The following CNTN3 variants were observed in gnomAD, a reference collection of about 807,000 sequenced individuals.
CNTN3 encodes contactin-3.
Under a neutral mutation model 119.1 loss-of-function variants are expected in CNTN3, and 60 were observed. The ratio of observed to expected loss-of-function variants is 0.50; its 90% CI spans 0.41 to 0.62. CNTN3 has a LOEUF of 0.62. CNTN3 is among the 20% of genes least tolerant of loss of function. The pLI is 0.00. For missense variants in CNTN3, 1,101 were observed against 1,242.4 expected (o/e 0.89, Z 1.71); for synonymous variants, 450 against 438.7 (o/e 1.03, Z -0.32).
intron 1 of CNTN3, among the ~76,000 whole-genome samples, chr3:74,588,118 T>A (rs907943337): frequency 5.3e-5 from 8 of 151,994 alleles, no homozygotes; most frequent in African/African-American, 1.7e-4. Context: ...GTATATTGCA[T>A]CCCAAGGATG....
At chr3:74,336,197 C>A (rs541593091) in intron 12 of CNTN3, among the ~76,000 whole-genome samples, 3 of 151,804 alleles carry the variant, frequency 2.0e-5, no homozygotes, top group East Asian at 3.9e-4. Flanking sequence ...CAGAAAAAAT[C>A]AACTATAATG....
chr3:74,314,257 A>C (rs1354419246), intron 13 of CNTN3, among the ~76,000 whole-genome samples: 1 of 152,224 alleles, frequency 6.6e-6, no homozygotes, highest in Non-Finnish European at 1.5e-5. Flanking sequence ...ACAAAGAACA[A>C]GATTAAAAAA....
rs575035038 is a variant in CNTN3, at chr3:74,463,607, A to C, written c.358+22849T>G. 6.6e-5 allele frequency among the ~76,000 whole-genome samples: 10 copies of C among 152,284 alleles called. No homozygotes were observed. The South Asian group carries it at 2.1e-3, about 32-fold the overall frequency. On this transcript the variant is annotated intron_variant, in intron 4 of 22. Coordinates refer to ENST00000263665, the MANE Select transcript of CNTN3 (RefSeq NM_020872.3). The stretch of plus-strand genomic sequence containing the variant: ...CATGCAGACATATCTCACAGCAGGG[A>C]CAAGACTATCTTAGAAACCTTACAT...
chr3:74,354,533 T>C (rs748133712), intron 11 of CNTN3, among the ~76,000 whole-genome samples: 18 of 152,090 alleles, frequency 1.2e-4, no homozygotes, highest in Non-Finnish European at 2.1e-4. Flanking sequence ...CTTTTGGAAA[T>C]AGGTGGATTT....
At chr3:74,497,534 A>G (rs1203308080) in intron 3 of CNTN3, among the ~76,000 whole-genome samples, 1 of 151,928 alleles carries the variant, frequency 6.6e-6, no homozygotes, top group African/African-American at 2.4e-5. Context: ...CTAGGTCTCA[A>G]TTTCTAGTGG....
chr3:74,481,580 A>G (rs1575768456), intron 4 of CNTN3, among the ~76,000 whole-genome samples: 1 of 152,094 alleles, frequency 6.6e-6, no homozygotes, highest in African/African-American at 2.4e-5. Flanking sequence ...TATATGTCTA[A>G]TTCTTTGAAT....
intron 1 of CNTN3, among the ~76,000 whole-genome samples, chr3:74,574,770 C>CA (rs962284172): frequency 1.3e-5 from 2 of 152,098 alleles, no homozygotes; most frequent in Non-Finnish European, 2.9e-5. Flanking sequence ...TAGCTTCTGC[C>CA]ACACATTTCC....
chr3:74,392,072 G>A (rs1182504912), intron 5 of CNTN3, among the ~76,000 whole-genome samples: 1 of 152,032 alleles, frequency 6.6e-6, no homozygotes, highest in Non-Finnish European at 1.5e-5. Context: ...AATATGAGAA[G>A]TGATGCAAAA....
intron 13 of CNTN3, among the ~76,000 whole-genome samples, chr3:74,319,175 C>T (rs1235132849): frequency 6.6e-6 from 1 of 152,106 alleles, no homozygotes; most frequent in African/African-American, 2.4e-5. Flanking sequence ...CTTTAAAGTT[C>T]ATATGGAACC....
chr3:74,316,275 A>C (rs1702828580), intron 13 of CNTN3, among the ~76,000 whole-genome samples: 1 of 152,156 alleles, frequency 6.6e-6, no homozygotes, highest in African/African-American at 2.4e-5. Context: ...GCAAATCAAA[A>C]CCACAATGAG....
At chr3:74,304,564 G>C (rs1268563099) in intron 13 of CNTN3, among the ~76,000 whole-genome samples, 1 of 152,108 alleles carries the variant, frequency 6.6e-6, no homozygotes, top group East Asian at 1.9e-4. Context: ...ACTGTGTCAG[G>C]ATTTTATGTC....
At chr3:74,444,289 GT>G (rs1191871889) in intron 4 of CNTN3, among the ~76,000 whole-genome samples, 3 of 151,686 alleles carry the variant, frequency 2.0e-5, no homozygotes, top group Non-Finnish European at 4.4e-5. Context: ...TATTGGGGGG[GT>G]TGGGGGCACA....
At chr3:74,574,666 A>G (rs907064074) in intron 1 of CNTN3, among the ~76,000 whole-genome samples, 5 of 152,154 alleles carry the variant, frequency 3.3e-5, no homozygotes, top group Non-Finnish European at 5.9e-5. Flanking sequence ...AACTTCAATC[A>G]TTCCACTTGC....
intron 19 of CNTN3, among the ~76,000 whole-genome samples, chr3:74,286,420 A>C (rs1702117239): frequency 6.6e-6 from 1 of 152,204 alleles, no homozygotes; most frequent in African/African-American, 2.4e-5. Flanking sequence ...GATTTGAAAA[A>C]TAATATGCAG....
chr3:74,384,651 C>A (rs1704702396), intron 5 of CNTN3, among the ~76,000 whole-genome samples: 1 of 152,076 alleles, frequency 6.6e-6, no homozygotes, highest in Admixed American at 6.6e-5. Flanking sequence ...TTTGACAATT[C>A]TTTTTCTTAA....
intron 1 of CNTN3, among the ~76,000 whole-genome samples, chr3:74,562,574 AG>A (rs1704168544): frequency 6.6e-6 from 1 of 152,168 alleles, no homozygotes; most frequent in Non-Finnish European, 1.5e-5. Flanking sequence ...GATGAAGGCA[AG>A]TGCTTTTGCT....
chr3:74,346,707 C>T lies in CNTN3; in HGVS notation c.1365-10049G>A, dbSNP rs75734395. ...ATTTTCCACAGAAGTGCAATGGAAA[C>T]GGCACTTCACTCGACATCTCATTTG... On this transcript the variant is annotated intron_variant, in intron 11 of 22. Coordinates refer to ENST00000263665, the MANE Select transcript of CNTN3 (RefSeq NM_020872.3). Among the ~76,000 whole-genome samples the T allele has an allele frequency of 7.2e-3, 1,090 of 151,984 alleles. 34 individuals carry two copies. The highest frequency in any genetic ancestry group is 0.048 in the East Asian group (248 of 5,136).
At chr3:74,446,539 T>C (rs575502141) in intron 4 of CNTN3, among the ~76,000 whole-genome samples, 15 of 152,094 alleles carry the variant, frequency 9.9e-5, no homozygotes, top group African/African-American at 3.6e-4. Flanking sequence ...GCAGTCTGGA[T>C]TGAGATGTGC....
At chr3:74,577,383 A>G (rs570246933) in intron 1 of CNTN3, among the ~76,000 whole-genome samples, 14 of 152,154 alleles carry the variant, frequency 9.2e-5, no homozygotes, top group Admixed American at 3.3e-4. Flanking sequence ...TCATTCCACA[A>G]TTGGCTACCC....
Sources: gnomAD v4.1 joint callset for allele counts (sites outside exome capture counted in the v4.1 genomes callset) on GRCh38, gnomAD v4.1.1 for gene constraint, MANE v1.5 for transcripts, NCBI Gene and HGNC (gene_info 2026-07-23, HGNC 2026-07-21) for gene names.